BNC2: variants seen among roughly 807,000 people sequenced by gnomAD.
BNC2 encodes the protein zinc finger protein basonuclin-2.
A neutral mutation model predicts 76.3 loss-of-function variants in BNC2; 20 were observed. The ratio of observed to expected loss-of-function variants is 0.26; its 90% CI spans 0.18 to 0.38. The LOEUF (loss-of-function observed/expected upper bound fraction) is 0.38, where lower values mean the gene tolerates loss of function less well. BNC2 is among the 10% of genes least tolerant of loss of function. The pLI is 1.00. For missense variants in BNC2, 1,382 were observed against 1,399.8 expected, an observed-to-expected ratio of 0.99 and a Z score of 0.20; for synonymous variants, 582 against 514.8, an observed-to-expected ratio of 1.13 and a Z score of -1.77.
chr9:16,468,980 G>A (rs888730870), intron 5 of BNC2, among the ~76,000 whole-genome samples: 5 of 152,156 alleles, frequency 3.3e-5, no homozygotes, highest in African/African-American at 1.2e-4. Flanking sequence ...TAATGAAAAT[G>A]TTTGCTGAAT....
At chr9:16,842,159 G>C (rs1450344363) in intron 1 of BNC2, among the ~76,000 whole-genome samples, 1 of 152,086 alleles carries the variant, frequency 6.6e-6, no homozygotes, top group Non-Finnish European at 1.5e-5. Flanking sequence ...AAGCTGCTTT[G>C]CCTTATGTTA....
chr9:16,745,715 A>G (rs373305954), intron 1 of BNC2, among the ~76,000 whole-genome samples: 1 of 152,246 alleles, frequency 6.6e-6, no homozygotes, highest in Non-Finnish European at 1.5e-5. Flanking sequence ...TCTGATAAAA[A>G]TAACACTGAA....
chr9:16,782,804 C>T (rs2135565677), intron 1 of BNC2, among the ~76,000 whole-genome samples: 1 of 152,326 alleles, frequency 6.6e-6, no homozygotes, highest in Middle Eastern at 3.4e-3. Context: ...TTGTTCACTA[C>T]TATATCCACT....
chr9:16,549,210 T>C (rs1236229786), intron 5 of BNC2, among the ~76,000 whole-genome samples: 3 of 152,310 alleles, frequency 2.0e-5, no homozygotes, highest in East Asian at 1.9e-4. Flanking sequence ...TGTGTACACA[T>C]AAAGGATGCA....
chr9:16,864,695 T>A (rs1407044100), intron 1 of BNC2, among the ~76,000 whole-genome samples: 1 of 152,200 alleles, frequency 6.6e-6, no homozygotes, highest in Non-Finnish European at 1.5e-5. Context: ...ACAGAAGAGC[T>A]GCACCCCAGG....
At chr9:16,529,457 A>G (rs1292726429) in intron 5 of BNC2, among the ~76,000 whole-genome samples, 1 of 152,138 alleles carries the variant, frequency 6.6e-6, no homozygotes. Flanking sequence ...TGCATTATAC[A>G]TTACTGCAAT....
At chr9:16,693,822 G>A (rs1311299096) in intron 3 of BNC2, among the ~76,000 whole-genome samples, 1 of 152,198 alleles carries the variant, frequency 6.6e-6, no homozygotes, top group African/African-American at 2.4e-5. Flanking sequence ...CTCCACATCT[G>A]CTGCAAACAT....
intron 1 of BNC2, among the ~76,000 whole-genome samples, chr9:16,841,119 A>C (rs1050369794): frequency 2.6e-5 from 4 of 152,208 alleles, no homozygotes; most frequent in Non-Finnish European, 5.9e-5. Context: ...TAATGGGCAA[A>C]AGAGTCCTTT....
At chr9:16,596,927 G>C (rs979124974) in intron 3 of BNC2, among the ~76,000 whole-genome samples, 1 of 152,114 alleles carries the variant, frequency 6.6e-6, no homozygotes, top group African/African-American at 2.4e-5. Context: ...GCTGTAATTA[G>C]AATTCTTAAC....
At chr9:16,755,286 C>A (rs1054280236) in intron 1 of BNC2, among the ~76,000 whole-genome samples, 3 of 152,062 alleles carry the variant, frequency 2.0e-5, no homozygotes, top group African/African-American at 7.2e-5. Context: ...ACAGGAGACC[C>A]AGGGGACTGA....
Position 16,829,958 on chromosome 9 carries a change from T to C in BNC2, c.3+40688A>G, listed in dbSNP as rs547802151. 6.4e-4 allele frequency among the ~76,000 whole-genome samples: 98 copies of C among 152,332 alleles called. 1 individual carries two copies. Among genetic ancestry groups the C allele is most frequent in the African/African-American group, 2.3e-3 (97 of 41,566 alleles). ...GAATCCACCACATTTTAATGCCTAT[T>C]TCTACTCCAATCATTTGTAGAATGG... On this transcript the variant is annotated intron_variant, in intron 1 of 6. Coordinates refer to ENST00000380672, the MANE Select transcript of BNC2 (RefSeq NM_017637.6).
chr9:16,856,574 C>G (rs539601887), intron 1 of BNC2, among the ~76,000 whole-genome samples: 1 of 152,218 alleles, frequency 6.6e-6, no homozygotes, highest in East Asian at 1.9e-4. Flanking sequence ...GCACCCAGCC[C>G]TTCGTGTAAA....
At chr9:16,444,680 A>C (rs1821195215) in intron 5 of BNC2, among the ~76,000 whole-genome samples, 1 of 152,216 alleles carries the variant, frequency 6.6e-6, no homozygotes, top group Non-Finnish European at 1.5e-5. Context: ...GAGTGCTGAA[A>C]GCAGGAGTTT....
chr9:16,712,537 G>T (rs1288258766), intron 3 of BNC2, among the ~76,000 whole-genome samples: 1 of 152,144 alleles, frequency 6.6e-6, no homozygotes, highest in Non-Finnish European at 1.5e-5. Flanking sequence ...GTTGGAACAT[G>T]ATTAGTTTCA....
At chr9:16,658,501 T>C (rs1463060110) in intron 3 of BNC2, among the ~76,000 whole-genome samples, 1 of 152,222 alleles carries the variant, frequency 6.6e-6, no homozygotes, top group East Asian at 1.9e-4. Context: ...ATAGTCCCCA[T>C]ATTGTTCAGC....
At chr9:16,462,721 A>C (rs7867372) in intron 5 of BNC2, among the ~76,000 whole-genome samples, 4,247 of 152,322 alleles carry the variant, frequency 0.028, 195 homozygotes, top group African/African-American at 0.097. Context: ...ACAGATCCAA[A>C]GACCAGATCA....
At chr9:16,851,776 T>A (rs528272713) in intron 1 of BNC2, among the ~76,000 whole-genome samples, 1 of 152,218 alleles carries the variant, frequency 6.6e-6, no homozygotes, top group South Asian at 2.1e-4. Flanking sequence ...CAAAGATTAA[T>A]CAAAAGCCCA....
At chr9:16,594,020 T>G (rs1037918916) in intron 3 of BNC2, among the ~76,000 whole-genome samples, 1 of 152,182 alleles carries the variant, frequency 6.6e-6, no homozygotes, top group African/African-American at 2.4e-5. Context: ...GATGGTAATG[T>G]GATTACATTT....
intron 1 of BNC2, among the ~76,000 whole-genome samples, chr9:16,819,101 A>C (rs1818252627): frequency 6.6e-6 from 1 of 152,230 alleles, no homozygotes; most frequent in Non-Finnish European, 1.5e-5. Flanking sequence ...ATGAATTAAG[A>C]AGTGAGGTGA....
Sources: allele counts gnomAD v4.1 joint callset (sites outside exome capture counted in the v4.1 genomes callset), GRCh38; gene constraint gnomAD v4.1.1; transcripts MANE v1.5; gene names NCBI Gene and HGNC (gene_info 2026-07-23, HGNC 2026-07-21).